The following CCDC150 variants were observed in gnomAD, a reference collection of about 807,000 sequenced individuals.
The protein encoded by CCDC150 is coiled-coil domain containing 150.
CCDC150 carries 151 observed loss-of-function variants against 156.5 expected under a neutral mutation model. The observed-to-expected ratio is 0.97, with a 90% CI of 0.85 to 1.10. CCDC150 has a LOEUF of 1.10. Ranked by LOEUF, CCDC150 falls within the 50% of genes least tolerant of loss-of-function variation. The pLI, the probability that CCDC150 is intolerant of heterozygous loss-of-function variation, is 0.00. For missense variants in CCDC150, 1,312 were observed against 1,268.1 expected (o/e 1.03, Z -0.53); for synonymous variants, 452 against 429.4 (o/e 1.05, Z -0.65).
chr2:196,715,042 C>T (rs778428525), intron 17 of CCDC150, among the ~76,000 whole-genome samples: 14 of 152,000 alleles, frequency 9.2e-5, no homozygotes, highest in South Asian at 4.2e-4. Flanking sequence ...CCTTTGTTAC[C>T]GTTGGGATTA....
At chr2:196,680,573 G>A (rs774121678) in intron 13 of CCDC150, among the ~76,000 whole-genome samples, 1 of 152,112 alleles carries the variant, frequency 6.6e-6, no homozygotes, top group Non-Finnish European at 1.5e-5. Flanking sequence ...CCAAATTGCT[G>A]GGATTACAGG....
Position 196,665,630 on chromosome 2 carries a change from A to G in CCDC150, c.709A>G (p.Met237Val), listed in dbSNP as rs1693797830. The change falls in exon 6 of 28, where the codon ATG becomes GTG. Residue 237 changes from methionine (M) to valine (V), a missense_variant. Physicochemically the swap from Met to Val is conservative, Grantham distance 21. Coordinates refer to ENST00000389175, the MANE Select transcript of CCDC150 (RefSeq NM_001080539.2). The stretch of plus-strand genomic sequence containing the variant: ...ATCTTTAGAGAAATCAGCATCAGCC[A>G]TGCTCCTCAAAATACAAGAAATGGG... ...RESLEKSASA[M>V]LLKIQEMGST... The G allele has an allele frequency of 6.2e-7, 1 of 1,605,212 alleles. No individual in the cohort carries two copies. Among genetic ancestry groups the G allele is most frequent in the Non-Finnish European group, 8.5e-7 (1 of 1,176,032 alleles).
chr2:196,729,980 G>A lies in CCDC150; in HGVS notation c.2844G>A (p.Val948=), dbSNP rs777158804. The A allele has an allele frequency of 7.4e-6, 12 of 1,613,152 alleles. No homozygotes were observed. In the East Asian group the frequency reaches 2.7e-4, roughly 36 times the overall value. Residue 948 remains valine (V), a synonymous_variant, in exon 25 of 28, where the codon GTG becomes GTA. Coordinates refer to ENST00000389175, the MANE Select transcript of CCDC150 (RefSeq NM_001080539.2). ...AGTCTTTGAGTATCCAGAGATTTGT[G>A]TGTGAAATGACTAACCTGCAGAAAG... ...YEQSLSIQRF[V]CEMTNLQKEM... is the part of the protein sequence containing the mutation.
At chr2:196,718,880 A>G (rs142394997) in intron 18 of CCDC150, among the ~76,000 whole-genome samples, 1 of 152,222 alleles carries the variant, frequency 6.6e-6, no homozygotes, top group African/African-American at 2.4e-5. Flanking sequence ...AGAAAGTTCT[A>G]ATTTTTTCTT....
At chr2:196,657,635 G>T (rs556810358) in intron 4 of CCDC150, among the ~76,000 whole-genome samples, 1 of 152,280 alleles carries the variant, frequency 6.6e-6, no homozygotes, top group African/African-American at 2.4e-5. Context: ...CAAGGTGTAG[G>T]GGTGAAGACA....
At chr2:196,731,084 G>A in intron 26 of CCDC150, 139 bp downstream of exon 26, 1 of 600,778 alleles carries the variant, frequency 1.7e-6, no homozygotes, top group Non-Finnish European at 3.0e-6. Context: ...CTTCCTAAGT[G>A]TAGTCTCTAT....
chr2:196,721,775 A>G (rs1011425580), intron 21 of CCDC150, 84 bp downstream of exon 21: 3 of 1,134,684 alleles, frequency 2.6e-6, no homozygotes, highest in Non-Finnish European at 1.2e-6. Context: ...CATTCGCATA[A>G]ATCAGTTAAA....
At chr2:196,722,958 G>A (rs188712372) in intron 21 of CCDC150, among the ~76,000 whole-genome samples, 1 of 152,224 alleles carries the variant, frequency 6.6e-6, no homozygotes, top group Admixed American at 6.5e-5. Flanking sequence ...TTTGCTTCAG[G>A]ATTTACCCTT....
rs771738317 is a variant in CCDC150, at chr2:196,672,398, C to T, written c.990C>T (p.Ser330=). The part of the protein sequence containing the change: ...KEHEENAYLR[S]EIMSLHEASE... ...ATGAAGAAAATGCATATTTGAGGTCCGAAATAATGTCTCTTCATGAAGCAT... is the reference window on the plus strand; with the variant it reads ...ATGAAGAAAATGCATATTTGAGGTCTGAAATAATGTCTCTTCATGAAGCAT... The change falls in exon 9 of 28, where the codon TCC becomes TCT. Residue 330 remains serine, a synonymous_variant. Coordinates refer to ENST00000389175, the MANE Select transcript of CCDC150 (RefSeq NM_001080539.2). 9 of 1,543,166 alleles carry T rather than the reference C, an allele frequency of 5.8e-6. No individual in the cohort carries two copies. Among genetic ancestry groups the T allele is most frequent in the African/African-American group, 1.4e-5 (1 of 72,106 alleles).
chr2:196,710,685 A>G lies in CCDC150; in HGVS notation c.1696-1460A>G, dbSNP rs939033947. ...TTAAGAGGGCATATTAAATAGGTACATTAGAGTTACATGTGTTAACATGGA... is the reference window on the plus strand; with the variant it reads ...TTAAGAGGGCATATTAAATAGGTACGTTAGAGTTACATGTGTTAACATGGA... On this transcript the variant is annotated intron_variant, in intron 15 of 27. Transcript: ENST00000389175. Among the ~76,000 whole-genome samples the G allele has an allele frequency of 2.6e-5, 4 of 152,246 alleles. No homozygotes were observed. The East Asian group carries it at 5.8e-4, about 22-fold the overall frequency.
rs775512487 is a variant in CCDC150, at chr2:196,719,602, C to T, written c.2101C>T (p.Leu701=). 3 of 1,613,262 alleles carry T rather than the reference C, an allele frequency of 1.9e-6. No homozygotes were observed. The highest frequency in any genetic ancestry group is 1.7e-6 in the Non-Finnish European group (2 of 1,179,672). Residue 701 remains leucine (L), a synonymous_variant, in exon 19 of 28, where the codon CTG becomes TTG. Coordinates refer to ENST00000389175, the MANE Select transcript of CCDC150 (RefSeq NM_001080539.2). ...LASHSKMQGA[L]EKVQIELGRR... is the part of the protein sequence containing the mutation. The stretch of plus-strand genomic sequence containing the variant: ...TTCTCACAGTAAGATGCAAGGTGCT[C>T]TGGAGAAAGTACAAATAGAGCTTGG...
chr2:196,647,195 A>G (rs1171309022), intron 2 of CCDC150, among the ~76,000 whole-genome samples: 1 of 152,102 alleles, frequency 6.6e-6, no homozygotes, highest in African/African-American at 2.4e-5. Flanking sequence ...ATTTGGTTCA[A>G]ATGTTGAGCA....
At position 196,721,668 on chromosome 2, in the gene CCDC150, G is replaced by A; in HGVS notation, c.2406G>A (p.Glu802=). ...AGCAATTGGAAAGCAAAGAACTTGA[G>A]CGACAGAATTTGGAAACCTTCAAGT... The part of the protein sequence containing the change: ...IQEQLESKEL[E]RQNLETFKDR... The change falls in exon 21 of 28, where the codon GAG becomes GAA. Residue 802 remains glutamate (E), a synonymous_variant. Coordinates refer to ENST00000389175, the MANE Select transcript of CCDC150 (RefSeq NM_001080539.2). 6.3e-7 allele frequency: 1 copy of A among 1,599,704 alleles called. No individual in the cohort carries two copies. The highest frequency in any genetic ancestry group is 8.5e-7 in the Non-Finnish European group (1 of 1,173,836).
At chr2:196,656,240 C>T (rs1225854209) in intron 2 of CCDC150, among the ~76,000 whole-genome samples, 1 of 152,104 alleles carries the variant, frequency 6.6e-6, no homozygotes, top group Non-Finnish European at 1.5e-5. Flanking sequence ...AATATGAGGT[C>T]CAAACCCTTC....
intron 23 of CCDC150, 74 bp from the exon 24 acceptor site, chr2:196,729,719 C>A: frequency 1.0e-6 from 1 of 990,558 alleles, no homozygotes; most frequent in Non-Finnish European, 1.5e-6. Flanking sequence ...TTCTTTCTGT[C>A]ATCCTATAGG....
intron 8 of CCDC150, among the ~76,000 whole-genome samples, chr2:196,670,499 C>T (rs1187141704): frequency 6.6e-6 from 1 of 151,680 alleles, no homozygotes; most frequent in African/African-American, 2.4e-5. Flanking sequence ...AGGGAAAGCC[C>T]CACCTACAAT....
At chr2:196,665,808 G>A (rs1693811283) in intron 6 of CCDC150, 125 bp downstream of exon 6, 1 of 539,076 alleles carries the variant, frequency 1.9e-6, no homozygotes. Flanking sequence ...CTTTTTGTTA[G>A]CAATATGTTA....
chr2:196,723,468 C>T (rs534600769), intron 21 of CCDC150, among the ~76,000 whole-genome samples: 145 of 152,256 alleles, frequency 9.5e-4, no homozygotes, highest in Non-Finnish European at 1.5e-3. Flanking sequence ...GGCCACTGCA[C>T]TCCAGCCTGG....
chr2:196,726,427 A>G (rs935748193), intron 22 of CCDC150: 2 of 206,836 alleles, frequency 9.7e-6, no homozygotes, highest in African/African-American at 4.5e-5. Flanking sequence ...TCTATTCTGC[A>G]TCTACCATTT....
Sources: gnomAD v4.1 joint callset for allele counts (sites outside exome capture counted in the v4.1 genomes callset) on GRCh38, gnomAD v4.1.1 for gene constraint, MANE v1.5 for transcripts, NCBI Gene and HGNC (gene_info 2026-07-23, HGNC 2026-07-21) for gene names.